The following GORASP2 variants were observed in gnomAD, a reference collection of about 807,000 sequenced individuals.
The protein encoded by GORASP2 is Golgi reassembly-stacking protein 2.
A neutral mutation model predicts 45.7 loss-of-function variants in GORASP2; 22 were observed. The ratio of observed to expected loss-of-function variants is 0.48; its 90% confidence interval spans 0.34 to 0.69. The LOEUF (loss-of-function observed/expected upper bound fraction) is 0.69, where lower values mean the gene tolerates loss of function less well. Ranked by LOEUF, GORASP2 falls within the 30% of genes least tolerant of loss-of-function variation. The pLI is 0.01. For synonymous variants in GORASP2, 221 were observed against 215.6 expected (o/e 1.02, Z -0.22); for missense variants, 491 against 562.7 (o/e 0.87, Z 1.29).
intron 1 of GORASP2, among the ~76,000 whole-genome samples, chr2:170,945,724 C>A (rs1704167720): frequency 6.6e-6 from 1 of 152,072 alleles, no homozygotes; most frequent in Non-Finnish European, 1.5e-5. Context: ...TCTTCTGAGA[C>A]AATACTATAA....
chr2:170,955,919 C>G lies in GORASP2; in HGVS notation c.700-517C>G, dbSNP rs143799791. On this transcript the variant is annotated intron_variant, in intron 6 of 9. Coordinates refer to ENST00000234160, the MANE Select transcript of GORASP2 (RefSeq NM_015530.5). ...CCATAGAGACTCCTTTTTTTCTTCT[C>G]CTGAAAAGTGGAGATCTGGCTGCCA... Among the ~76,000 whole-genome samples the G allele has an allele frequency of 4.1e-3, 627 of 152,192 alleles. 4 individuals carry two copies. Among genetic ancestry groups the G allele is most frequent in the Non-Finnish European group, 6.9e-3 (471 of 67,994 alleles).
intron 9 of GORASP2, among the ~76,000 whole-genome samples, chr2:170,963,951 C>G (rs977526661): frequency 2.1e-5 from 3 of 145,256 alleles, no homozygotes; most frequent in African/African-American, 7.4e-5. Flanking sequence ...AGCCAGTATT[C>G]TTCTTTTGTA....
At chr2:170,929,772 G>A (rs116064887) in intron 1 of GORASP2, 5,734 of 497,656 alleles carry the variant, frequency 0.012, 170 homozygotes, top group African/African-American at 0.077. Flanking sequence ...CGGAGGCAAC[G>A]TCTCCAAAGT....
intron 6 of GORASP2, among the ~76,000 whole-genome samples, chr2:170,956,060 C>G (rs1704419517): frequency 6.6e-6 from 1 of 152,078 alleles, no homozygotes; most frequent in Non-Finnish European, 1.5e-5. Flanking sequence ...AAAGTTAAAA[C>G]AAATAAACCA....
At chr2:170,964,706 C>A (rs948457739) in intron 9 of GORASP2, among the ~76,000 whole-genome samples, 2 of 152,038 alleles carry the variant, frequency 1.3e-5, no homozygotes, top group African/African-American at 4.8e-5. Context: ...CTACCATTTA[C>A]TGTCGCAGCG....
Position 170,929,367 on chromosome 2 carries a change from C to T in GORASP2, c.27C>T (p.Ile9=). 1 of 1,409,344 alleles carries T rather than the reference C, an allele frequency of 7.1e-7. No homozygotes were observed. The highest frequency in any genetic ancestry group is 9.3e-7 in the Non-Finnish European group (1 of 1,080,058). The allele number at this position is 1,409,344 out of a possible 1,614,324, so 87.3% of individuals were successfully genotyped here. The change falls in exon 1 of 10, where the codon ATC becomes ATT. Residue 9 remains isoleucine, a synonymous_variant. Transcript: ENST00000234160. The part of the protein sequence containing the change: MGSSQSVE[I]PGGGTEGYHV... The stretch of plus-strand genomic sequence containing the variant: ...TGGGCTCCTCGCAAAGCGTCGAGAT[C>T]CCGGGCGGGGGCACCGAGGGCTACC...
chr2:170,964,899 T>A (rs1339533800), intron 9 of GORASP2, among the ~76,000 whole-genome samples: 1 of 129,920 alleles, frequency 7.7e-6, no homozygotes, highest in Non-Finnish European at 1.7e-5. Context: ...TTAATTTTTT[T>A]TTTTTTTTTT....
rs1314560033 is a variant in GORASP2, at chr2:170,966,942, T to TTACAAC, written c.*813_*818dup. On this transcript the variant is annotated 3_prime_UTR_variant, in exon 10 of 10. Coordinates refer to ENST00000234160, the MANE Select transcript of GORASP2 (RefSeq NM_015530.5). The stretch of plus-strand genomic sequence containing the variant: ...CTTTTTTTCTTGTGTTACATCTAAA[T>TTACAAC]TACAACCCTTAATTGCCACGTGTGC... 1 of 152,210 alleles carries TTACAAC rather than the reference T, an allele frequency of 6.6e-6. No homozygotes were observed. The highest frequency in any genetic ancestry group is 1.5e-5 in the Non-Finnish European group (1 of 68,032). The allele number at this position is 152,210 out of a possible 1,614,324, so 9.4% of individuals were successfully genotyped here.
chr2:170,959,839 TG>T (rs1451825981), intron 7 of GORASP2, among the ~76,000 whole-genome samples: 1 of 149,870 alleles, frequency 6.7e-6, no homozygotes, highest in Non-Finnish European at 1.5e-5. Flanking sequence ...TTTTTTTTTT[TG>T]AGACGGAGTC....
intron 7 of GORASP2, among the ~76,000 whole-genome samples, chr2:170,958,224 T>C (rs1443863305): frequency 6.6e-6 from 1 of 152,218 alleles, no homozygotes; most frequent in East Asian, 1.9e-4. Context: ...TTATCAATTA[T>C]CAATATTGGG....
intron 8 of GORASP2, among the ~76,000 whole-genome samples, chr2:170,962,141 A>G (rs1022040478): frequency 1.3e-5 from 2 of 152,270 alleles, no homozygotes; most frequent in African/African-American, 4.8e-5. Flanking sequence ...TTTGGTCTTC[A>G]GTAGCTCTAA....
Position 170,962,907 on chromosome 2 carries a change from A to T in GORASP2, c.979A>T (p.Ile327Phe). Residue 327 changes from isoleucine to phenylalanine, a missense_variant, in exon 9 of 10, where the codon ATC becomes TTC. Coordinates refer to ENST00000234160, the MANE Select transcript of GORASP2 (RefSeq NM_015530.5). Reference protein sequence around the residue: ...NLNLNLPAPHIMPGVGLPELV... With the variant: ...NLNLNLPAPHFMPGVGLPELV... The stretch of plus-strand genomic sequence containing the variant: ...CAACCTCAACCTCCCAGCACCACAC[A>T]TCATGCCAGGGGTTGGCTTACCAGA... The T allele has an allele frequency of 6.2e-7, 1 of 1,613,998 alleles. No individual in the cohort carries two copies.
At chr2:170,962,721 T>C in intron 8 of GORASP2, 118 bp from the exon 9 acceptor site, 1 of 684,292 alleles carries the variant, frequency 1.5e-6, no homozygotes, top group South Asian at 1.6e-5. Flanking sequence ...TGCCACACAT[T>C]AGGTGGACTT....
upstream of GORASP2, chr2:170,928,697 A>C (rs1373867257): frequency 6.6e-6 from 1 of 152,182 alleles, no homozygotes; most frequent in Non-Finnish European, 1.5e-5. Context: ...AAAAAAAACA[A>C]ACCCAAACCA....
chr2:170,958,737 C>G (rs1704485593), intron 7 of GORASP2, among the ~76,000 whole-genome samples: 1 of 150,210 alleles, frequency 6.7e-6, no homozygotes, highest in South Asian at 2.1e-4. Flanking sequence ...CTATCTCTGC[C>G]CACTGCAACC....
At chr2:170,960,959 T>C (rs1704544310) in intron 7 of GORASP2, among the ~76,000 whole-genome samples, 1 of 152,220 alleles carries the variant, frequency 6.6e-6, no homozygotes, top group Non-Finnish European at 1.5e-5. Context: ...AAAGGTGTGC[T>C]TTCATTTATT....
intron 1 of GORASP2, chr2:170,936,504 G>A: frequency 2.1e-6 from 1 of 466,638 alleles, no homozygotes; most frequent in Middle Eastern, 8.4e-4. Context: ...ACACTTATGA[G>A]CCACCACACC....
At position 170,961,131 on chromosome 2, in the gene GORASP2, G is replaced by T. The variant is rs1465910115; in HGVS notation, c.824-532G>T. Reference sequence around the variant, plus strand: ...CTGTCACAGAACCTAAGGTCAAAAGGAAATGGACATTCAGGAAGCCAAGTC... The same window carrying T: ...CTGTCACAGAACCTAAGGTCAAAAGTAAATGGACATTCAGGAAGCCAAGTC... On this transcript the variant is annotated intron_variant, in intron 7 of 9. Transcript: ENST00000234160. 2.0e-5 allele frequency among the ~76,000 whole-genome samples: 3 copies of T among 152,208 alleles called. No homozygotes were observed. The East Asian group carries it at 5.8e-4, about 29-fold the overall frequency.
At chr2:170,929,770 A>G (rs1047674792) in intron 1 of GORASP2, 10 of 494,510 alleles carry the variant, frequency 2.0e-5, no homozygotes, top group South Asian at 9.3e-5. Flanking sequence ...CGCGGAGGCA[A>G]CGTCTCCAAA....
Sources: allele counts gnomAD v4.1 joint callset (sites outside exome capture counted in the v4.1 genomes callset), GRCh38; gene constraint gnomAD v4.1.1; transcripts MANE v1.5; gene names NCBI Gene and HGNC (gene_info 2026-07-23, HGNC 2026-07-21).